KLF7: variants seen among roughly 807,000 people sequenced by gnomAD.
KLF7 encodes Krueppel-like factor 7.
In KLF7, 2 loss-of-function variants were observed where a neutral mutation model predicts 27.3. That is an observed-to-expected ratio of 0.07 (90% CI 0.03 to 0.23). The LOEUF (loss-of-function observed/expected upper bound fraction) is 0.23, where lower values mean the gene tolerates loss of function less well. Ranked by LOEUF, KLF7 falls within the 10% of genes least tolerant of loss-of-function variation. KLF7 has a pLI of 1.00. For synonymous variants in KLF7, 165 were observed against 162.4 expected (o/e 1.02, Z -0.12); for missense variants, 221 against 394.1 (o/e 0.56, Z 3.72).
At chr2:207,158,813 A>T (rs985677692) in intron 1 of KLF7, among the ~76,000 whole-genome samples, 10 of 152,188 alleles carry the variant, frequency 6.6e-5, no homozygotes, top group African/African-American at 2.4e-4. Context: ...GTAAAAAGGG[A>T]ATTTTCTTGC....
Position 207,074,861 on chromosome 2 carries a change from T to TA in KLF7, c.*6351dup, listed in dbSNP as rs777553934. 2 of 152,196 alleles carry TA rather than the reference T, an allele frequency of 1.3e-5. No individual in the cohort carries two copies. Among genetic ancestry groups the TA allele is most frequent in the Non-Finnish European group, 2.9e-5 (2 of 68,034 alleles). The allele number at this position is 152,196 out of a possible 1,614,324, so 9.4% of individuals were successfully genotyped here. ...GGCTCCCTTTTTCCCCTTGAAGAAA[T>TA]AAACTCAGTGACCCTTATTTGGGCA... is the stretch of plus-strand genomic sequence containing the variant. On this transcript the variant is annotated 3_prime_UTR_variant, in exon 4 of 4. Transcript: ENST00000309446.
Position 207,165,823 on chromosome 2 carries a change from G to C in KLF7, c.-255C>G. 2.3e-6 allele frequency: 3 copies of C among 1,331,828 alleles called. No homozygotes were observed. Among genetic ancestry groups the C allele is most frequent in the Non-Finnish European group, 2.9e-6 (3 of 1,038,218 alleles). The allele number at this position is 1,331,828 out of a possible 1,614,324, so 82.5% of individuals were successfully genotyped here. ...CGTGTACAGTGCAGACGACTGCCAG[G>C]AAAAGGGGACTTCTCCACGGGAGTA... On this transcript the variant is annotated 5_prime_UTR_variant, in exon 1 of 4. Transcript: ENST00000309446.
chr2:207,116,957 T>G (rs768274941), intron 2 of KLF7, among the ~76,000 whole-genome samples: 1 of 152,190 alleles, frequency 6.6e-6, no homozygotes, highest in Non-Finnish European at 1.5e-5. Flanking sequence ...GGCTTTTGTG[T>G]CAAAAAGCGA....
chr2:207,095,031 CTTTTTT>C lies in KLF7; in HGVS notation c.734-6456_734-6451del, dbSNP rs36091471. Among the ~76,000 whole-genome samples, 300 of 82,428 alleles carry C rather than the reference CTTTTTT, an allele frequency of 3.6e-3. 4 individuals carry two copies. The highest frequency in any genetic ancestry group is 0.012 in the African/African-American group (248 of 20,888). 54.1% of individuals were successfully genotyped at this position (82,428 alleles called of 152,430 possible). ...AACATTTGCCCTATTTGTTTTTATTCTTTTTTTTTTTTTTTTTTTTTTTTTCTGAGA... is the reference window on the plus strand; with the variant it reads ...AACATTTGCCCTATTTGTTTTTATTCTTTTTTTTTTTTTTTTTTTCTGAGA... On this transcript the variant is annotated intron_variant, in intron 2 of 3. Transcript: ENST00000309446.
chr2:207,109,068 T>C (rs1392831030), intron 2 of KLF7, among the ~76,000 whole-genome samples: 2 of 152,252 alleles, frequency 1.3e-5, no homozygotes, highest in African/African-American at 4.8e-5. Flanking sequence ...GAAAAGTTTC[T>C]ATTTGCTATT....
Position 207,165,767 on chromosome 2 carries a change from G to A in KLF7, c.-199C>T, listed in dbSNP as rs1348097789. On this transcript the variant is annotated 5_prime_UTR_variant, in exon 1 of 4. Coordinates refer to ENST00000309446, the MANE Select transcript of KLF7 (RefSeq NM_003709.4). ...GAGAGAGGAGGTGAGAGAGGAGCGA[G>A]TGAGTGGGGTGGATGGAGAGAGGCA... 1.4e-6 allele frequency: 2 copies of A among 1,433,334 alleles called. No individual in the cohort carries two copies. Among genetic ancestry groups the A allele is most frequent in the Admixed American group, 2.8e-5 (1 of 35,532 alleles). 88.8% of individuals were successfully genotyped at this position (1,433,334 alleles called of 1,614,324 possible). A position where few individuals can be genotyped will look rare whatever the true frequency, so the allele number is the denominator to read the frequency against.
upstream of KLF7, chr2:207,166,150 G>A: frequency 9.1e-6 from 9 of 985,562 alleles, no homozygotes; most frequent in Non-Finnish European, 1.1e-5. Flanking sequence ...CCGCGCAGCC[G>A]TGGGATCTCG....
At chr2:207,134,121 A>T (rs955833612) in intron 1 of KLF7, 1 of 1,529,544 alleles carries the variant, frequency 6.5e-7, no homozygotes, top group Non-Finnish European at 8.7e-7. Flanking sequence ...TCCTCTCCCA[A>T]ATCACTTGCA....
At chr2:207,154,672 G>A (rs144053745) in intron 1 of KLF7, among the ~76,000 whole-genome samples, 465 of 152,230 alleles carry the variant, frequency 3.1e-3, no homozygotes, top group African/African-American at 0.011. Flanking sequence ...TTATTATTGA[G>A]AGGAAAATGG....
At position 207,097,510 on chromosome 2, in the gene KLF7, A is replaced by G. The variant is rs56795845; in HGVS notation, c.734-8929T>C. 7.1e-3 allele frequency among the ~76,000 whole-genome samples: 1,083 copies of G among 152,316 alleles called. 13 individuals carry two copies. Among genetic ancestry groups the G allele is most frequent in the African/African-American group, 0.025 (1,028 of 41,574 alleles). ...CAGGGCAAAGGCACAGGGCTTCTCT[A>G]TAAGACTCAAACTGGAGCCCAGCCT... On this transcript the variant is annotated intron_variant, in intron 2 of 3. Transcript: ENST00000309446.
intron 1 of KLF7, among the ~76,000 whole-genome samples, chr2:207,154,052 C>T (rs1180474239): frequency 6.6e-6 from 1 of 152,142 alleles, no homozygotes; most frequent in Non-Finnish European, 1.5e-5. Context: ...CAAATTATTG[C>T]TTTTCAGAGG....
rs1222966284 is a variant in KLF7, at chr2:207,074,523, G to C, written c.*6690C>G. 6.6e-6 allele frequency: 1 copy of C among 151,880 alleles called. No individual in the cohort carries two copies. Among genetic ancestry groups the C allele is most frequent in the Non-Finnish European group, 1.5e-5 (1 of 68,006 alleles). The allele number at this position is 151,880 out of a possible 1,614,324, so 9.4% of individuals were successfully genotyped here. ...TGCTTGTATTTCCATCTAGTTTTTT[G>C]TACTCTCCACAGCCAGCTGGATTTC... On this transcript the variant is annotated 3_prime_UTR_variant, in exon 4 of 4. Coordinates refer to ENST00000309446, the MANE Select transcript of KLF7 (RefSeq NM_003709.4).
chr2:207,165,768 T>C lies in KLF7; in HGVS notation c.-200A>G, dbSNP rs1295091843. 20 of 1,424,152 alleles carry C rather than the reference T, an allele frequency of 1.4e-5. No individual in the cohort carries two copies. The highest frequency in any genetic ancestry group is 1.8e-5 in the Non-Finnish European group (20 of 1,097,068). The allele number at this position is 1,424,152 out of a possible 1,614,324, so 88.2% of individuals were successfully genotyped here. A position where few individuals can be genotyped will look rare whatever the true frequency, so the allele number is the denominator to read the frequency against. On this transcript the variant is annotated 5_prime_UTR_variant, in exon 1 of 4. Coordinates refer to ENST00000309446, the MANE Select transcript of KLF7 (RefSeq NM_003709.4). The stretch of plus-strand genomic sequence containing the variant: ...AGAGAGGAGGTGAGAGAGGAGCGAG[T>C]GAGTGGGGTGGATGGAGAGAGGCAT...
chr2:207,104,395 T>C (rs1294866538), intron 2 of KLF7, among the ~76,000 whole-genome samples: 1 of 152,172 alleles, frequency 6.6e-6, no homozygotes, highest in Admixed American at 6.5e-5. Context: ...TACATGCATC[T>C]CTGTGGAGAA....
At chr2:207,166,840 A>G (rs1316940285), upstream of KLF7, 71 of 1,035,014 alleles carry the variant, frequency 6.9e-5, 1 homozygote, top group Non-Finnish European at 7.8e-5. Flanking sequence ...GCGCCTGAGG[A>G]GGAAGTGCCA....
chr2:207,082,540 A>G (rs1287582550), intron 3 of KLF7, among the ~76,000 whole-genome samples: 2 of 152,230 alleles, frequency 1.3e-5, no homozygotes, highest in African/African-American at 4.8e-5. Flanking sequence ...CAGAAACCTG[A>G]CAGTATGGGT....
chr2:207,162,751 A>G (rs751730494), intron 1 of KLF7, among the ~76,000 whole-genome samples: 14 of 152,142 alleles, frequency 9.2e-5, no homozygotes, highest in Non-Finnish European at 1.9e-4. Context: ...AAACGTAAAA[A>G]TGTTCTTGAG....
intron 2 of KLF7, among the ~76,000 whole-genome samples, chr2:207,096,624 A>G (rs908606800): frequency 3.9e-5 from 6 of 152,120 alleles, no homozygotes; most frequent in African/African-American, 1.4e-4. Flanking sequence ...CATAAAACCA[A>G]AAGGCTCAAA....
intron 1 of KLF7, among the ~76,000 whole-genome samples, chr2:207,125,698 C>T (rs2077459691): frequency 6.6e-6 from 1 of 152,174 alleles, no homozygotes; most frequent in African/African-American, 2.4e-5. Context: ...TATGAATCAG[C>T]TTTGGGTCTC....
Sources: gnomAD v4.1 joint callset for allele counts (sites outside exome capture counted in the v4.1 genomes callset) on GRCh38, gnomAD v4.1.1 for gene constraint, MANE v1.5 for transcripts, NCBI Gene and HGNC (gene_info 2026-07-23, HGNC 2026-07-21) for gene names.